RASA1: variants seen among roughly 807,000 people sequenced by gnomAD.
RASA1 encodes ras GTPase-activating protein 1.
RASA1 carries 25 observed loss-of-function variants against 132.2 expected under a neutral mutation model. The ratio of observed to expected loss-of-function variants is 0.19; its 90% CI spans 0.14 to 0.26. The LOEUF (loss-of-function observed/expected upper bound fraction) is 0.26. Among genes scored for constraint, RASA1 ranks in the 10% least tolerant of loss-of-function variants. The pLI is 1.00. For missense variants in RASA1, 964 were observed against 1,299.2 expected (o/e 0.74, Z 3.97); for synonymous variants, 477 against 449.9 (o/e 1.06, Z -0.76).
chr5:87,371,308 G>A (rs1314834545), intron 12 of RASA1, among the ~76,000 whole-genome samples: 2 of 151,784 alleles, frequency 1.3e-5, no homozygotes, highest in Non-Finnish European at 2.9e-5. Context: ...TAACTGATTT[G>A]GTTTTAATTT....
intron 1 of RASA1, among the ~76,000 whole-genome samples, chr5:87,310,236 C>G (rs1212952900): frequency 1.1e-4 from 17 of 151,814 alleles, no homozygotes; most frequent in African/African-American, 3.1e-4. Context: ...AGCAAACTAT[C>G]AAGAAGAAAA....
intron 1 of RASA1, among the ~76,000 whole-genome samples, chr5:87,274,068 CTGG>C (rs1223336264): frequency 2.0e-5 from 3 of 152,122 alleles, no homozygotes; most frequent in African/African-American, 7.2e-5. Context: ...TTGGCTATAC[CTGG>C]TGGCCATTCC....
At chr5:87,287,711 C>T (rs62644437) in intron 1 of RASA1, among the ~76,000 whole-genome samples, 3 of 53,932 alleles carry the variant, frequency 5.6e-5, no homozygotes, top group East Asian at 4.7e-4. Context: ...TATATGTACA[C>T]GCCATAGATA....
chr5:87,306,779 T>A (rs1755633126), intron 1 of RASA1, among the ~76,000 whole-genome samples: 1 of 152,154 alleles, frequency 6.6e-6, no homozygotes. Flanking sequence ...TTCTTGACCA[T>A]TTTTTCTTCA....
intron 5 of RASA1, among the ~76,000 whole-genome samples, chr5:87,338,534 A>ATATATATATATATATATATATATATAT (rs1561292504): frequency 8.7e-5 from 4 of 46,098 alleles, no homozygotes; most frequent in Non-Finnish European, 1.4e-4. Flanking sequence ...TATATATATA[A>ATATATATATATATATATATATATATAT]AATTTTTTTT....
chr5:87,366,583 T>C (rs1760535845), intron 11 of RASA1: 1 of 165,148 alleles, frequency 6.1e-6, no homozygotes, highest in East Asian at 1.5e-4. Flanking sequence ...AGCTTGCTTC[T>C]TGTACAGTTT....
intron 11 of RASA1, among the ~76,000 whole-genome samples, chr5:87,364,438 A>G (rs577754270): frequency 5.3e-5 from 8 of 152,302 alleles, no homozygotes; most frequent in African/African-American, 1.9e-4. Flanking sequence ...TTGTAGCTTT[A>G]GCTAGTGTTT....
chr5:87,298,896 C>T (rs939062329), intron 1 of RASA1, among the ~76,000 whole-genome samples: 2 of 152,180 alleles, frequency 1.3e-5, no homozygotes, highest in Non-Finnish European at 2.9e-5. Context: ...TTGTGCACTG[C>T]ATTGTTCAGT....
At chr5:87,288,175 T>TATATATATACCATATATATACACACC (rs1754761765) in intron 1 of RASA1, among the ~76,000 whole-genome samples, 2 of 145,926 alleles carry the variant, frequency 1.4e-5, no homozygotes. Context: ...ATACACACCA[T>TATATATATACCATATATATACACACC]ATATATATAT....
Position 87,389,492 on chromosome 5 carries a change from C to G in RASA1, c.3025C>G (p.Leu1009Val), listed in dbSNP as rs1193370407. The G allele has an allele frequency of 6.2e-7, 1 of 1,614,108 alleles. No individual in the cohort carries two copies. Among genetic ancestry groups the G allele is most frequent in the Non-Finnish European group, 8.5e-7 (1 of 1,179,970 alleles). The stretch of plus-strand genomic sequence containing the variant: ...GATTTGCGTGGCTCATTCAGATGAA[C>G]TTCGAACGCTCAGTAATGAGCGTGG... ...HEICVAHSDE[L>V]RTLSNERGAQ... Residue 1009 changes from leucine to valine, a missense_variant, in exon 24 of 25, where the codon CTT becomes GTT. This residue lies in a region of RASA1 where 107 missense variants were observed against 163.8 expected (regional missense o/e 0.65). Coordinates refer to ENST00000274376, the MANE Select transcript of RASA1 (RefSeq NM_002890.3).
chr5:87,352,123 C>T (rs1317748734), intron 8 of RASA1, among the ~76,000 whole-genome samples: 1 of 151,304 alleles, frequency 6.6e-6, no homozygotes, highest in African/African-American at 2.4e-5. Flanking sequence ...TTTAATAATG[C>T]TTTTATTTAT....
At chr5:87,339,232 A>G (rs1284216133) in intron 5 of RASA1, among the ~76,000 whole-genome samples, 1 of 152,154 alleles carries the variant, frequency 6.6e-6, no homozygotes, top group Non-Finnish European at 1.5e-5. Flanking sequence ...CTTGATCCAT[A>G]GAAGTAAAAC....
chr5:87,339,914 G>A (rs1219046348), intron 5 of RASA1, among the ~76,000 whole-genome samples: 3 of 151,962 alleles, frequency 2.0e-5, no homozygotes, highest in South Asian at 2.1e-4. Flanking sequence ...AAGATGTTTC[G>A]GGCATTCAGT....
At position 87,331,293 on chromosome 5, in the gene RASA1, T is replaced by C. The variant is rs1423869174; in HGVS notation, c.540-55T>C. The C allele has an allele frequency of 4.0e-6, 6 of 1,517,148 alleles. No individual in the cohort carries two copies. In the East Asian group the frequency reaches 1.1e-4, roughly 29 times the overall value. 94.0% of individuals were successfully genotyped at this position (1,517,148 alleles called of 1,614,324 possible). A position where few individuals can be genotyped will look rare whatever the true frequency, so the allele number is the denominator to read the frequency against. On this transcript the variant is annotated intron_variant, in intron 1 of 24. Transcript: ENST00000274376. ...TAGTAGTATGTTTTTCAAGTGTCCA[T>C]AGAAATTCTGCACTTGCTATTTATA...
chr5:87,337,732 G>A (rs1210020652), intron 4 of RASA1, among the ~76,000 whole-genome samples: 1 of 152,008 alleles, frequency 6.6e-6, no homozygotes, highest in Admixed American at 6.6e-5. Context: ...GATATAGTTA[G>A]TGCAGATACT....
intron 1 of RASA1, chr5:87,330,891 C>T: frequency 8.4e-7 from 1 of 1,189,338 alleles, no homozygotes; most frequent in South Asian, 2.2e-5. Flanking sequence ...TTTCCTGTCG[C>T]AGGGCACAAA....
chr5:87,273,947 C>T (rs1396186792), intron 1 of RASA1, among the ~76,000 whole-genome samples: 2 of 152,194 alleles, frequency 1.3e-5, no homozygotes, highest in Non-Finnish European at 2.9e-5. Context: ...ATCCGCCTGC[C>T]TTGGCCTCCC....
chr5:87,311,742 G>A (rs899099424), intron 1 of RASA1, among the ~76,000 whole-genome samples: 9 of 152,186 alleles, frequency 5.9e-5, no homozygotes, highest in Admixed American at 4.6e-4. Context: ...AAGTGCCCAC[G>A]TCGCTGACTT....
At chr5:87,349,175 T>G (rs1338156882) in intron 7 of RASA1, 39 bp from the exon 8 acceptor site, 1 of 1,604,588 alleles carries the variant, frequency 6.2e-7, no homozygotes, top group Admixed American at 1.7e-5. Context: ...TCTTTTTTAT[T>G]TGATAATTAG....
Sources: allele counts gnomAD v4.1 joint callset (sites outside exome capture counted in the v4.1 genomes callset), GRCh38; gene constraint gnomAD v4.1.1; regional missense constraint gnomAD v4.1.1; transcripts MANE v1.5; gene names NCBI Gene and HGNC (gene_info 2026-07-23, HGNC 2026-07-21).